Variants in CHD9 observed in about 807,000 individuals in gnomAD.
The protein encoded by CHD9 is ATP-dependent chromatin remodeler CHD9.
Under a neutral mutation model 316.1 loss-of-function variants are expected in CHD9, and 77 were observed. That is an observed-to-expected ratio of 0.24 (90% CI 0.20 to 0.29). CHD9 has a LOEUF of 0.29. Among genes scored for constraint, CHD9 ranks in the 10% least tolerant of loss-of-function variants. CHD9 has a pLI of 1.00. For synonymous variants in CHD9, 1,129 were observed against 1,158.3 expected (o/e 0.97, Z 0.51); for missense variants, 2,763 against 3,438.1 (o/e 0.80, Z 4.91).
chr16:53,264,646 G>A (rs1317504590), intron 20 of CHD9, among the ~76,000 whole-genome samples: 1 of 152,134 alleles, frequency 6.6e-6, no homozygotes, highest in East Asian at 1.9e-4. Flanking sequence ...AAATAAAGCA[G>A]TAAGATGGCA....
At chr16:53,306,931 C>T (rs1405613292) in intron 32 of CHD9, among the ~76,000 whole-genome samples, 1 of 152,106 alleles carries the variant, frequency 6.6e-6, no homozygotes, top group Admixed American at 6.6e-5. Context: ...AGGCACCCAC[C>T]ACCCTACCTG....
chr16:53,156,029 T>C lies in CHD9; in HGVS notation c.-61T>C, dbSNP rs61740287. ...GGAAATGATCCAATAATATCTACTA[T>C]AGAGAAGCTGAATATACTCCATTTG... On this transcript the variant is annotated 5_prime_UTR_variant, in exon 2 of 39. Transcript: ENST00000447540. The C allele has an allele frequency of 0.028, 42,599 of 1,500,748 alleles. 741 individuals carry two copies. Among genetic ancestry groups the C allele is most frequent in the South Asian group, 0.066 (4,929 of 75,140 alleles). The allele number at this position is 1,500,748 out of a possible 1,614,324, so 93.0% of individuals were successfully genotyped here. A position where few individuals can be genotyped will look rare whatever the true frequency, so the allele number is the denominator to read the frequency against.
intron 1 of CHD9, among the ~76,000 whole-genome samples, chr16:53,119,405 G>C (rs1337576258): frequency 6.6e-6 from 1 of 151,910 alleles, no homozygotes; most frequent in African/African-American, 2.4e-5. Context: ...TGTGATAATT[G>C]TTATTTATTT....
At chr16:53,263,773 T>G (rs12597624) in intron 20 of CHD9, among the ~76,000 whole-genome samples, 42,253 of 151,950 alleles carry the variant, frequency 0.28, 5,966 homozygotes, top group Middle Eastern at 0.32. Flanking sequence ...CATCCATAAG[T>G]ATTATTGTTG....
chr16:53,268,627 G>A (rs2051923397), intron 22 of CHD9, among the ~76,000 whole-genome samples: 1 of 152,224 alleles, frequency 6.6e-6, no homozygotes, highest in African/African-American at 2.4e-5. Flanking sequence ...AACCTAAAAT[G>A]TGGTCTCTGG....
chr16:53,156,823 G>T lies in CHD9; in HGVS notation c.734G>T (p.Ser245Ile). 6.2e-7 allele frequency: 1 copy of T among 1,613,814 alleles called. No homozygotes were observed. The highest frequency in any genetic ancestry group is 8.5e-7 in the Non-Finnish European group (1 of 1,179,878). ...SNPSAHFHKC[S>I]SHQEGNFNGP... ...CCTTCAGCACACTTCCACAAGTGTA[G>T]CAGTCATCAAGAAGGAAATTTTAAT... The change falls in exon 2 of 39, where the codon AGC becomes ATC. Residue 245 changes from serine to isoleucine, a missense_variant. Physicochemically the swap from Ser to Ile is moderately radical, Grantham distance 142 (BLOSUM62 -2). Coordinates refer to ENST00000447540, the MANE Select transcript of CHD9 (RefSeq NM_001308319.2).
intron 1 of CHD9, among the ~76,000 whole-genome samples, chr16:53,084,784 G>A (rs896983666): frequency 6.6e-6 from 1 of 152,136 alleles, no homozygotes; most frequent in African/African-American, 2.4e-5. Context: ...ACAGAAGCCG[G>A]AAAGTGTTTT....
At position 53,157,018 on chromosome 16, in the gene CHD9, C is replaced by T. The variant is rs777638518; in HGVS notation, c.929C>T (p.Ser310Phe). The change falls in exon 2 of 39, where the codon TCC (serine) becomes TTC (phenylalanine). Residue 310 changes from serine (S) to phenylalanine (F), a missense_variant. This residue lies in a region of CHD9 where 859 missense variants were observed against 890.4 expected (regional missense o/e 0.96). Transcript: ENST00000447540. ...TTATCTGATTTTACTGGAAGTAATT[C>T]CTTTTCACCTCATAGAGGAATCAAG... ...QTLSDFTGSN[S>F]FSPHRGIKQE... 6.2e-7 allele frequency: 1 copy of T among 1,612,776 alleles called. No homozygotes were observed.
intron 24 of CHD9, among the ~76,000 whole-genome samples, chr16:53,282,035 T>C (rs1168472488): frequency 3.3e-5 from 5 of 152,178 alleles, no homozygotes; most frequent in Admixed American, 6.6e-5. Context: ...TCAGTAAATA[T>C]TTGTCAACTA....
At chr16:53,320,762 C>G (rs1232166485) in intron 37 of CHD9, among the ~76,000 whole-genome samples, 2 of 151,586 alleles carry the variant, frequency 1.3e-5, no homozygotes, top group Admixed American at 6.6e-5. Flanking sequence ...CATTTTTTTC[C>G]AAATTATTTA....
chr16:53,136,052 T>C (rs769403971), intron 1 of CHD9, among the ~76,000 whole-genome samples: 25 of 152,124 alleles, frequency 1.6e-4, no homozygotes, highest in Non-Finnish European at 3.5e-4. Context: ...TTATAATTTT[T>C]AATGAGGCTT....
At chr16:53,120,225 C>T (rs2038634289) in intron 1 of CHD9, among the ~76,000 whole-genome samples, 1 of 151,962 alleles carries the variant, frequency 6.6e-6, no homozygotes, top group Non-Finnish European at 1.5e-5. Context: ...GAGCAAGACC[C>T]TGTCTCTAAA....
At chr16:53,197,752 G>A (rs2045062047) in intron 2 of CHD9, among the ~76,000 whole-genome samples, 1 of 151,136 alleles carries the variant, frequency 6.6e-6, no homozygotes, top group African/African-American at 2.4e-5. Flanking sequence ...TCACCCTCCT[G>A]AGTAGCTAGG....
At chr16:53,311,261 A>C (rs1464481838) in intron 34 of CHD9, 1 of 152,008 alleles carries the variant, frequency 6.6e-6, no homozygotes, top group South Asian at 2.1e-4. Context: ...TAGAGTTATT[A>C]TCTAAGCATT....
chr16:53,125,703 C>T (rs961202001), intron 1 of CHD9, among the ~76,000 whole-genome samples: 10 of 152,214 alleles, frequency 6.6e-5, no homozygotes, highest in African/African-American at 2.4e-4. Flanking sequence ...AGACAAACAA[C>T]CCATACTGTA....
At chr16:53,280,523 A>G (rs2153031682) in intron 24 of CHD9, among the ~76,000 whole-genome samples, 1 of 152,004 alleles carries the variant, frequency 6.6e-6, no homozygotes, top group South Asian at 2.1e-4. Context: ...CTCAGGGGGG[A>G]AAGGGCAGGA....
intron 38 of CHD9, among the ~76,000 whole-genome samples, chr16:53,322,592 C>CAAAA (rs796595719): frequency 3.5e-5 from 4 of 113,940 alleles, no homozygotes; most frequent in Non-Finnish European, 5.6e-5. Context: ...GACTCCATCT[C>CAAAA]AAAAAAAAAA....
intron 8 of CHD9, among the ~76,000 whole-genome samples, chr16:53,230,447 C>T (rs2048069453): frequency 6.6e-6 from 1 of 152,036 alleles, no homozygotes; most frequent in Non-Finnish European, 1.5e-5. Context: ...TATGAGACCT[C>T]CATCTCTATT....
In CHD9 at chr16:53,226,394, G is replaced by A. The variant is rs1232350874; in HGVS notation, c.1925G>A (p.Arg642Lys). ...QKRRSNRQIK[R>K]KKYAEDIEGK... ...AGAAGATCAAATCGACAAATTAAAA[G>A]AAAAAAATACGCAGAAGATATAGAA... Residue 642 changes from arginine to lysine, a missense_variant, in exon 5 of 39, where the codon AGA (arginine) becomes AAA (lysine). By Grantham distance (26) the Arg-to-Lys change is conservative. Around this residue, in one of 15 missense-constraint regions of CHD9, gnomAD observed 859 missense variants for 890.4 expected, o/e 0.96. Coordinates refer to ENST00000447540, the MANE Select transcript of CHD9 (RefSeq NM_001308319.2). 1 of 1,575,876 alleles carries A rather than the reference G, an allele frequency of 6.3e-7. No individual in the cohort carries two copies. The highest frequency in any genetic ancestry group is 8.6e-7 in the Non-Finnish European group (1 of 1,165,296).
Sources: allele counts gnomAD v4.1 joint callset (sites outside exome capture counted in the v4.1 genomes callset), GRCh38; gene constraint gnomAD v4.1.1; regional missense constraint gnomAD v4.1.1; transcripts MANE v1.5; gene names NCBI Gene and HGNC (gene_info 2026-07-23, HGNC 2026-07-21).